Variants in TCF12 observed in about 807,000 individuals in gnomAD.
The protein encoded by TCF12 is transcription factor 12.
A neutral mutation model predicts 86.0 loss-of-function variants in TCF12; 45 were observed. That is an observed-to-expected ratio of 0.52 (90% CI 0.41 to 0.67). The LOEUF (loss-of-function observed/expected upper bound fraction) is 0.67, where lower values mean the gene tolerates loss of function less well. Ranked by LOEUF, TCF12 falls within the 30% of genes least tolerant of loss-of-function variation. The pLI, the probability that TCF12 is intolerant of heterozygous loss-of-function variation, is 0.00. For synonymous variants in TCF12, 330 were observed against 299.6 expected (o/e 1.10, Z -1.05); for missense variants, 881 against 859.9 (o/e 1.02, Z -0.31).
At chr15:57,284,790 T>G (rs1158239892) in intron 20 of TCF12, among the ~76,000 whole-genome samples, 3 of 152,254 alleles carry the variant, frequency 2.0e-5, no homozygotes, top group Non-Finnish European at 4.4e-5. Flanking sequence ...CTTTGTCTTC[T>G]TATTCTCATC....
chr15:57,142,918 G>C (rs192776915), intron 5 of TCF12, among the ~76,000 whole-genome samples: 163 of 152,274 alleles, frequency 1.1e-3, no homozygotes, highest in Non-Finnish European at 2.1e-3. Flanking sequence ...AGTCAAGAAA[G>C]TTGACGAGAA....
chr15:57,010,762 C>T (rs2064781336), intron 3 of TCF12, among the ~76,000 whole-genome samples: 1 of 152,068 alleles, frequency 6.6e-6, no homozygotes, highest in Non-Finnish European at 1.5e-5. Context: ...CAGTCTAGTT[C>T]TAGAAAATGT....
intron 19 of TCF12, among the ~76,000 whole-genome samples, chr15:57,276,147 G>T (rs1245164493): frequency 3.9e-5 from 6 of 152,192 alleles, no homozygotes; most frequent in African/African-American, 1.4e-4. Context: ...ATAATTTAGT[G>T]ATGAGAGAAC....
chr15:56,958,714 T>TGTGA (rs1468583208), intron 3 of TCF12, among the ~76,000 whole-genome samples: 3 of 141,968 alleles, frequency 2.1e-5, no homozygotes, highest in African/African-American at 7.5e-5. Context: ...TGTGTGTGTG[T>TGTGA]GAAGTGCAAT....
intron 4 of TCF12, among the ~76,000 whole-genome samples, chr15:57,090,269 G>A (rs190649387): frequency 3.9e-5 from 6 of 152,010 alleles, no homozygotes; most frequent in African/African-American, 1.4e-4. Context: ...GTGGAGTGAC[G>A]TTAGCTAAGA....
intron 5 of TCF12, among the ~76,000 whole-genome samples, chr15:57,092,671 G>A (rs1260449521): frequency 6.6e-6 from 1 of 151,346 alleles, no homozygotes; most frequent in African/African-American, 2.4e-5. Context: ...TATGTTTTAT[G>A]ATTTTTTTTC....
chr15:57,127,758 T>C (rs1235201696), intron 5 of TCF12, among the ~76,000 whole-genome samples: 3 of 152,204 alleles, frequency 2.0e-5, no homozygotes, highest in Non-Finnish European at 4.4e-5. Context: ...TAGGAAGAGC[T>C]GTCCCTACTT....
At chr15:57,205,081 G>A (rs1222726170) in intron 8 of TCF12, among the ~76,000 whole-genome samples, 1 of 152,118 alleles carries the variant, frequency 6.6e-6, no homozygotes, top group Non-Finnish European at 1.5e-5. Context: ...GGGAGGTGGA[G>A]GCGGGCAGAT....
At chr15:57,191,866 A>G (rs562493514) in intron 6 of TCF12, among the ~76,000 whole-genome samples, 6 of 151,826 alleles carry the variant, frequency 4.0e-5, no homozygotes, top group Non-Finnish European at 7.4e-5. Context: ...CACGGGAGGC[A>G]GAGGTCGCAG....
chr15:57,136,978 T>TTTG (rs2052585730), intron 5 of TCF12, among the ~76,000 whole-genome samples: 1 of 118,454 alleles, frequency 8.4e-6, no homozygotes, highest in African/African-American at 3.4e-5. Flanking sequence ...TTGTTTTTTT[T>TTTG]TTTTTTTTTT....
chr15:57,232,920 TTA>T (rs560027912), intron 11 of TCF12, 64 bp downstream of exon 11: 351 of 1,154,622 alleles, frequency 3.0e-4, no homozygotes, highest in South Asian at 2.7e-3. Context: ...CCCGATATCT[TTA>T]TATATATATA....
At chr15:57,284,841 C>T (rs1462102343) in intron 20 of TCF12, among the ~76,000 whole-genome samples, 1 of 152,220 alleles carries the variant, frequency 6.6e-6, no homozygotes, top group Non-Finnish European at 1.5e-5. Flanking sequence ...TACTACTTCT[C>T]TATTTCATAC....
chr15:57,115,600 G>A (rs2050783772), intron 5 of TCF12, among the ~76,000 whole-genome samples: 1 of 152,134 alleles, frequency 6.6e-6, no homozygotes, highest in South Asian at 2.1e-4. Flanking sequence ...TTTTTGCCTA[G>A]ATTTTAATTT....
intron 3 of TCF12, among the ~76,000 whole-genome samples, chr15:57,061,202 T>C (rs1402749825): frequency 6.6e-6 from 1 of 152,232 alleles, no homozygotes; most frequent in African/African-American, 2.4e-5. Context: ...GAATATGTAG[T>C]TTCACATAAT....
chr15:57,265,772 G>A (rs1043881905), intron 18 of TCF12, among the ~76,000 whole-genome samples: 20 of 152,296 alleles, frequency 1.3e-4, no homozygotes, highest in South Asian at 8.3e-4. Flanking sequence ...TTACTGTAGT[G>A]TGTACTGTAC....
intron 3 of TCF12, among the ~76,000 whole-genome samples, chr15:56,992,899 A>T (rs1466574449): frequency 6.6e-6 from 1 of 152,152 alleles, no homozygotes; most frequent in African/African-American, 2.4e-5. Flanking sequence ...AACTGAGAAG[A>T]AGTTAGAGGT....
At chr15:57,151,214 C>T (rs1041652442) in intron 5 of TCF12, among the ~76,000 whole-genome samples, 1 of 149,700 alleles carries the variant, frequency 6.7e-6, no homozygotes. Context: ...CTCCCAGCCT[C>T]AAGCCATTCT....
intron 16 of TCF12, among the ~76,000 whole-genome samples, chr15:57,257,431 G>A (rs1001271954): frequency 3.9e-5 from 6 of 152,120 alleles, no homozygotes; most frequent in African/African-American, 1.4e-4. Context: ...GGCCATTCTC[G>A]ATGGATTGCT....
intron 3 of TCF12, among the ~76,000 whole-genome samples, chr15:56,946,218 G>C (rs1346847647): frequency 6.6e-6 from 1 of 151,994 alleles, no homozygotes; most frequent in African/African-American, 2.4e-5. Context: ...TTTCCTTCTA[G>C]GACTTCAATT....
Sources: gnomAD v4.1 joint callset for allele counts (sites outside exome capture counted in the v4.1 genomes callset) on GRCh38, gnomAD v4.1.1 for gene constraint, MANE v1.5 for transcripts, NCBI Gene and HGNC (gene_info 2026-07-23, HGNC 2026-07-21) for gene names.